Variants in UCHL5 observed in about 807,000 individuals in gnomAD.
UCHL5 encodes ubiquitin C-terminal hydrolase L5.
Under a neutral mutation model 53.8 loss-of-function variants are expected in UCHL5, and 34 were observed. The ratio of observed to expected loss-of-function variants is 0.63; its 90% CI spans 0.48 to 0.84. UCHL5 has a LOEUF of 0.84. UCHL5 is among the 40% of genes least tolerant of loss of function. UCHL5 has a pLI of 0.00. For missense variants in UCHL5, 290 were observed against 385.6 expected, an observed-to-expected ratio of 0.75 and a Z score of 2.08; for synonymous variants, 111 against 126.3, an observed-to-expected ratio of 0.88 and a Z score of 0.81.
Position 193,014,962 on chromosome 1 carries a change from C to T in UCHL5, c.*1389G>A, listed in dbSNP as rs1654683857. 5 of 152,174 alleles carry T rather than the reference C, an allele frequency of 3.3e-5. No individual in the cohort carries two copies. In the South Asian group the frequency reaches 8.3e-4, roughly 25 times the overall value. 9.4% of individuals were successfully genotyped at this position (152,174 alleles called of 1,614,324 possible). A position where few individuals can be genotyped will look rare whatever the true frequency, so the allele number is the denominator to read the frequency against. On this transcript the variant is annotated 3_prime_UTR_variant, in exon 11 of 11. Coordinates refer to ENST00000367454, the MANE Select transcript of UCHL5 (RefSeq NM_001199261.3). ...ATCAAGATGAGCCTTCCTTAAAAAT[C>T]TATTTTTAAAAATTATATCATGGCT...
At chr1:193,029,136 T>C in intron 6 of UCHL5, 43 bp downstream of exon 6, 1 of 1,594,976 alleles carries the variant, frequency 6.3e-7, no homozygotes, top group Non-Finnish European at 8.5e-7. Flanking sequence ...CAACAGATTT[T>C]CCCCTGTCAA....
chr1:193,060,010 G>T, upstream of UCHL5: 1 of 1,360,142 alleles, frequency 7.4e-7, no homozygotes, highest in African/African-American at 1.5e-5. Context: ...CCTCAGGGTG[G>T]GCCCTTTCCG....
At chr1:193,018,533 G>A (rs76790310) in intron 10 of UCHL5, 12,956 of 1,133,816 alleles carry the variant, frequency 0.011, 105 homozygotes, top group South Asian at 0.039. Context: ...TGTATTCAAC[G>A]AATTCATCGG....
chr1:193,048,241 T>A (rs892581115), intron 3 of UCHL5, among the ~76,000 whole-genome samples: 1 of 152,216 alleles, frequency 6.6e-6, no homozygotes, highest in African/African-American at 2.4e-5. Context: ...TCTGTGGCTT[T>A]GTGAACAAAC....
At chr1:193,019,927 T>C in intron 10 of UCHL5, 3 of 975,704 alleles carry the variant, frequency 3.1e-6, no homozygotes, top group Non-Finnish European at 3.7e-6. Context: ...TTTATAGTTA[T>C]TTTAATATTT....
chr1:193,051,816 A>G lies in UCHL5; in HGVS notation c.78T>C (p.Gly26=). 1.3e-6 allele frequency: 2 copies of G among 1,589,810 alleles called. No homozygotes were observed. Among genetic ancestry groups the G allele is most frequent in the Non-Finnish European group, 1.7e-6 (2 of 1,169,178 alleles). ...GVFTELIKGF[G]CRGAQVEEIW... is the part of the protein sequence containing the mutation. ...TTTCTTCTACTTGGGCTCCTCGGCAACCTGAAATAATAAATTATTTTCTTC... is the reference window on the plus strand; with the variant it reads ...TTTCTTCTACTTGGGCTCCTCGGCAGCCTGAAATAATAAATTATTTTCTTC... Residue 26 remains glycine, a splice_region_variant and synonymous_variant, in exon 2 of 11, where the codon GGT becomes GGC. Coordinates refer to ENST00000367454, the MANE Select transcript of UCHL5 (RefSeq NM_001199261.3).
Position 193,039,347 on chromosome 1 carries a change from G to A in UCHL5, c.247-9690C>T, listed in dbSNP as rs72738595. ...ATAGCTTGAACCTGGGAGGCAAGGTGGAGATGAGCCAAGATCGTGCCACTA... is the reference window on the plus strand; with the variant it reads ...ATAGCTTGAACCTGGGAGGCAAGGTAGAGATGAGCCAAGATCGTGCCACTA... On this transcript the variant is annotated intron_variant, in intron 3 of 10. Transcript: ENST00000367454. Among the ~76,000 whole-genome samples, 115 of 152,206 alleles carry A rather than the reference G, an allele frequency of 7.6e-4. 1 individual carries two copies. Among genetic ancestry groups the A allele is most frequent in the Admixed American group, 4.6e-3 (70 of 15,296 alleles).
Position 193,021,309 on chromosome 1 carries a change from T to A in UCHL5, c.844-114A>T, listed in dbSNP as rs564123232. The A allele has an allele frequency of 1.2e-5, 8 of 652,928 alleles. No homozygotes were observed. In the South Asian group the frequency reaches 1.7e-4, roughly 14 times the overall value. 40.4% of individuals were successfully genotyped at this position (652,928 alleles called of 1,614,324 possible). The stretch of plus-strand genomic sequence containing the variant: ...TATCCATTCTCATAAGAAAATGATT[T>A]TAGAAATAATGAGATTCCATTCCCA... On this transcript the variant is annotated intron_variant, in intron 9 of 10. Transcript: ENST00000367454.
chr1:193,049,040 C>T lies in UCHL5; in HGVS notation c.246+706G>A, dbSNP rs147140352. On this transcript the variant is annotated intron_variant, in intron 3 of 10. Coordinates refer to ENST00000367454, the MANE Select transcript of UCHL5 (RefSeq NM_001199261.3). Reference sequence around the variant, plus strand: ...AGTAGCTGGGACCACAGGCACGCCACCACCACGCCCAGCTAATTTATTTTT... The same window carrying T: ...AGTAGCTGGGACCACAGGCACGCCATCACCACGCCCAGCTAATTTATTTTT... 3.2e-3 allele frequency among the ~76,000 whole-genome samples: 481 copies of T among 152,276 alleles called. 1 individual carries two copies. Among genetic ancestry groups the T allele is most frequent in the African/African-American group, 9.1e-3 (380 of 41,548 alleles).
chr1:193,012,270 T>C lies in UCHL5; in HGVS notation c.*4081A>G, dbSNP rs186387623. The stretch of plus-strand genomic sequence containing the variant: ...GAGACTTTCCCCACTGGTTTTATGG[T>C]TTATTCAATATTATATTATCATTGC... On this transcript the variant is annotated 3_prime_UTR_variant, in exon 11 of 11. Coordinates refer to ENST00000367454, the MANE Select transcript of UCHL5 (RefSeq NM_001199261.3). 1.3e-5 allele frequency: 2 copies of C among 152,300 alleles called. No individual in the cohort carries two copies. The highest frequency in any genetic ancestry group is 3.9e-4 in the East Asian group (2 of 5,188). 9.4% of individuals were successfully genotyped at this position (152,300 alleles called of 1,614,324 possible).
intron 7 of UCHL5, 118 bp downstream of exon 7, chr1:193,027,967 T>G: frequency 6.6e-7 from 1 of 1,518,452 alleles, no homozygotes; most frequent in Non-Finnish European, 8.8e-7. Context: ...TACGAAAAAT[T>G]AAAAAGAAAA....
At chr1:193,057,732 T>C (rs1292332063) in intron 1 of UCHL5, among the ~76,000 whole-genome samples, 1 of 152,272 alleles carries the variant, frequency 6.6e-6, no homozygotes, top group Non-Finnish European at 1.5e-5. Flanking sequence ...TCTGCTATAT[T>C]ATGTTCTAGT....
At chr1:193,022,234 T>C (rs1283180676) in intron 9 of UCHL5, among the ~76,000 whole-genome samples, 1 of 152,148 alleles carries the variant, frequency 6.6e-6, no homozygotes, top group East Asian at 1.9e-4. Context: ...CAATCACCTG[T>C]TGTCTGTTAA....
At chr1:193,045,981 A>G (rs1329569395) in intron 3 of UCHL5, among the ~76,000 whole-genome samples, 1 of 151,644 alleles carries the variant, frequency 6.6e-6, no homozygotes, top group African/African-American at 2.4e-5. Context: ...TATAGTTACT[A>G]TATGTATAAT....
At chr1:193,017,658 A>C (rs1381696459) in intron 10 of UCHL5, among the ~76,000 whole-genome samples, 3 of 151,714 alleles carry the variant, frequency 2.0e-5, no homozygotes, top group Admixed American at 1.3e-4. Flanking sequence ...GAGAAGGATT[A>C]ACAAGAAATA....
Position 193,016,361 on chromosome 1 carries a change from T to G in UCHL5, c.977A>C (p.Glu326Ala), listed in dbSNP as rs200139872. The G allele has an allele frequency of 6.2e-7, 1 of 1,604,016 alleles. No individual in the cohort carries two copies. The highest frequency in any genetic ancestry group is 2.2e-5 in the East Asian group (1 of 44,662). ...TATCTGAAAACATCTTCATTTGGTT[T>G]CCTGAGCTTTCTTTGCGTTCTGTTT... ...KEKQNAKKAQ[E>A]TK The change falls in exon 11 of 11, where the codon GAA becomes GCA. Residue 326 changes from glutamate to alanine, a missense_variant. By Grantham distance (107) the Glu-to-Ala change is moderately radical (BLOSUM62 -1). Coordinates refer to ENST00000367454, the MANE Select transcript of UCHL5 (RefSeq NM_001199261.3).
Position 193,015,167 on chromosome 1 carries a change from A to G in UCHL5, c.*1184T>C, listed in dbSNP as rs1309814545. On this transcript the variant is annotated 3_prime_UTR_variant, in exon 11 of 11. Coordinates refer to ENST00000367454, the MANE Select transcript of UCHL5 (RefSeq NM_001199261.3). ...CATTAGTTCTAAGTCATTTAATACC[A>G]CAATTACTAAGCTTAAAAACAATCC... 6.6e-6 allele frequency: 1 copy of G among 152,058 alleles called. No individual in the cohort carries two copies. Among genetic ancestry groups the G allele is most frequent in the Non-Finnish European group, 1.5e-5 (1 of 67,948 alleles). 9.4% of individuals were successfully genotyped at this position (152,058 alleles called of 1,614,324 possible).
chr1:193,051,820 G>A lies in UCHL5; in HGVS notation c.77-3C>T. ...TTCTACTTGGGCTCCTCGGCAACCT[G>A]AAATAATAAATTATTTTCTTCAGTA... On this transcript the variant is annotated splice_polypyrimidine_tract_variant and splice_region_variant and intron_variant, in intron 1 of 10. Coordinates refer to ENST00000367454, the MANE Select transcript of UCHL5 (RefSeq NM_001199261.3). 1 of 1,584,930 alleles carries A rather than the reference G, an allele frequency of 6.3e-7. No homozygotes were observed. Among genetic ancestry groups the A allele is most frequent in the Non-Finnish European group, 8.6e-7 (1 of 1,166,186 alleles).
Position 193,015,639 on chromosome 1 carries a change from C to T in UCHL5, c.*712G>A, listed in dbSNP as rs1654780817. On this transcript the variant is annotated 3_prime_UTR_variant, in exon 11 of 11. Transcript: ENST00000367454. ...AATATTCCATTGAGAGTAACACCAA[C>T]ATTCTTTAAGATTTACAATTTCTTC... 6.6e-6 allele frequency: 1 copy of T among 152,030 alleles called. No individual in the cohort carries two copies. The highest frequency in any genetic ancestry group is 2.4e-5 in the African/African-American group (1 of 41,428). 9.4% of individuals were successfully genotyped at this position (152,030 alleles called of 1,614,324 possible). A position where few individuals can be genotyped will look rare whatever the true frequency, so the allele number is the denominator to read the frequency against.
Sources: gnomAD v4.1 joint callset for allele counts (sites outside exome capture counted in the v4.1 genomes callset) on GRCh38, gnomAD v4.1.1 for gene constraint, MANE v1.5 for transcripts, NCBI Gene and HGNC (gene_info 2026-07-23, HGNC 2026-07-21) for gene names.